Variants in CACNA2D3 observed in about 807,000 individuals in gnomAD.
CACNA2D3 encodes the protein voltage-dependent calcium channel subunit alpha-2/delta-3.
A neutral mutation model predicts 160.6 loss-of-function variants in CACNA2D3; 60 were observed. The observed-to-expected ratio is 0.37, with a 90% CI of 0.30 to 0.46. The LOEUF is 0.46. CACNA2D3 is among the 20% of genes least tolerant of loss of function. The probability of loss-of-function intolerance (pLI) is 1.00; values close to 1 mark genes in which losing one functional copy is unlikely to be tolerated. For missense variants in CACNA2D3, 1,205 were observed against 1,365.0 expected, an observed-to-expected ratio of 0.88 and a Z score of 1.85; for synonymous variants, 558 against 492.9, an observed-to-expected ratio of 1.13 and a Z score of -1.75.
chr3:54,906,644 AGAGCTGAT>A (rs2106901508), intron 27 of CACNA2D3, among the ~76,000 whole-genome samples: 1 of 152,344 alleles, frequency 6.6e-6, no homozygotes, highest in East Asian at 1.9e-4. Flanking sequence ...TTCTACAACC[AGAGCTGAT>A]GAGTAGGTGG....
chr3:54,368,129 A>AT (rs1698857678), intron 3 of CACNA2D3, among the ~76,000 whole-genome samples: 3 of 152,166 alleles, frequency 2.0e-5, no homozygotes, highest in Admixed American at 6.5e-5. Context: ...GTTTTGACTT[A>AT]TTTTTTAAAA....
rs887229458 is a variant in CACNA2D3 at position 54,310,968 on chromosome 3, T to A, written c.205-9474T>A. ...GAACGTGGAACATCTGGCTAGAGAG[T>A]CCCTGGTCCTCGGCACCATGACAAA... On this transcript the variant is annotated intron_variant, in intron 2 of 37. Coordinates refer to ENST00000474759, the MANE Select transcript of CACNA2D3 (RefSeq NM_018398.3). Among the ~76,000 whole-genome samples the A allele has an allele frequency of 1.9e-4, 29 of 152,186 alleles. 2 individuals carry two copies. In the Middle Eastern group the frequency reaches 0.014, roughly 72 times the overall value.
At chr3:55,010,958 A>G (rs766851548) in intron 34 of CACNA2D3, among the ~76,000 whole-genome samples, 3 of 152,262 alleles carry the variant, frequency 2.0e-5, no homozygotes, top group African/African-American at 4.8e-5. Context: ...CTGAGCACAC[A>G]GTAGGTGCTT....
chr3:54,299,122 C>G (rs1424399481), intron 2 of CACNA2D3, among the ~76,000 whole-genome samples: 1 of 151,962 alleles, frequency 6.6e-6, no homozygotes, highest in African/African-American at 2.4e-5. Context: ...CCTTTTGATA[C>G]CTCACTGGCT....
intron 2 of CACNA2D3, among the ~76,000 whole-genome samples, chr3:54,290,623 G>A (rs2107476266): frequency 6.7e-6 from 1 of 150,368 alleles, no homozygotes; most frequent in Middle Eastern, 3.4e-3. Flanking sequence ...TGTTTATTGC[G>A]GCACTATTCA....
intron 21 of CACNA2D3, among the ~76,000 whole-genome samples, chr3:54,883,829 T>TCTCTCTCCCTCC (rs753661413): frequency 3.0e-4 from 43 of 145,696 alleles, no homozygotes; most frequent in Middle Eastern, 3.2e-3. Flanking sequence ...CTCTCCTCTC[T>TCTCTCTCCCTCC]CTCCCTTCAA....
chr3:54,847,651 A>G (rs933216845), intron 17 of CACNA2D3, among the ~76,000 whole-genome samples: 2 of 152,224 alleles, frequency 1.3e-5, no homozygotes, highest in African/African-American at 4.8e-5. Context: ...GTAATATTCA[A>G]TTTCAACAAT....
intron 31 of CACNA2D3, among the ~76,000 whole-genome samples, chr3:55,001,655 C>A (rs1438644525): frequency 2.0e-5 from 3 of 152,164 alleles, no homozygotes; most frequent in Admixed American, 6.5e-5. Context: ...TTCTCTTGAG[C>A]CTTTGGGAAC....
intron 4 of CACNA2D3, among the ~76,000 whole-genome samples, chr3:54,400,417 G>T (rs929851525): frequency 2.0e-5 from 3 of 152,072 alleles, no homozygotes; most frequent in African/African-American, 4.8e-5. Flanking sequence ...CTGAGCACCT[G>T]TTTCCTGGAA....
At chr3:54,393,109 C>CAA (rs1480245212) in intron 4 of CACNA2D3, among the ~76,000 whole-genome samples, 25 of 152,344 alleles carry the variant, frequency 1.6e-4, no homozygotes, top group South Asian at 8.3e-4. Flanking sequence ...AGAAGGGAAG[C>CAA]GCCTTGCTTC....
At chr3:54,848,534 C>G (rs1458547460) in intron 17 of CACNA2D3, among the ~76,000 whole-genome samples, 4 of 152,168 alleles carry the variant, frequency 2.6e-5, no homozygotes, top group Non-Finnish European at 4.4e-5. Flanking sequence ...GTCATCTGTC[C>G]CATTCATCTG....
At chr3:54,412,487 C>T (rs1001445830) in intron 4 of CACNA2D3, among the ~76,000 whole-genome samples, 3 of 151,422 alleles carry the variant, frequency 2.0e-5, no homozygotes, top group Non-Finnish European at 1.5e-5. Flanking sequence ...TAGATTTTAT[C>T]TTTTATCATT....
At chr3:54,559,683 A>G (rs1345208021) in intron 5 of CACNA2D3, among the ~76,000 whole-genome samples, 3 of 152,160 alleles carry the variant, frequency 2.0e-5, no homozygotes, top group Admixed American at 1.3e-4. Context: ...AGATTATTTC[A>G]TCACTTAGGT....
intron 3 of CACNA2D3, among the ~76,000 whole-genome samples, chr3:54,344,913 C>A (rs1698428802): frequency 6.6e-6 from 1 of 152,158 alleles, no homozygotes; most frequent in Admixed American, 6.5e-5. Flanking sequence ...GTAAAGGAGC[C>A]AGCCAAAACC....
At chr3:54,976,496 A>G (rs1034517795) in intron 29 of CACNA2D3, among the ~76,000 whole-genome samples, 56 of 152,246 alleles carry the variant, frequency 3.7e-4, no homozygotes, top group Non-Finnish European at 5.7e-4. Flanking sequence ...AATAATTAAA[A>G]AAAGACAACA....
chr3:54,959,276 C>A (rs1173751350), intron 27 of CACNA2D3, among the ~76,000 whole-genome samples: 1 of 152,156 alleles, frequency 6.6e-6, no homozygotes, highest in Non-Finnish European at 1.5e-5. Flanking sequence ...TCCCTGTCAG[C>A]TCTGGAGGGA....
chr3:54,624,917 G>T (rs1699063293), intron 9 of CACNA2D3, among the ~76,000 whole-genome samples: 2 of 152,222 alleles, frequency 1.3e-5, no homozygotes, highest in African/African-American at 4.8e-5. Flanking sequence ...ACCGGGGGTG[G>T]TTGTTGGTGA....
At chr3:54,684,466 G>T (rs933748826) in intron 11 of CACNA2D3, among the ~76,000 whole-genome samples, 1 of 152,198 alleles carries the variant, frequency 6.6e-6, no homozygotes, top group African/African-American at 2.4e-5. Flanking sequence ...GCTGGAGGGA[G>T]CCTTGGCTTC....
chr3:55,062,190 G>A (rs1208734456), intron 35 of CACNA2D3, among the ~76,000 whole-genome samples: 1 of 152,054 alleles, frequency 6.6e-6, no homozygotes, highest in African/African-American at 2.4e-5. Flanking sequence ...CATGATCATA[G>A]CTCACTGCAG....
Sources: gnomAD v4.1 joint callset for allele counts (sites outside exome capture counted in the v4.1 genomes callset) on GRCh38, gnomAD v4.1.1 for gene constraint, MANE v1.5 for transcripts, NCBI Gene and HGNC (gene_info 2026-07-23, HGNC 2026-07-21) for gene names.